Variants in SLX4 observed in about 807,000 individuals in gnomAD.
SLX4 encodes the protein structure-specific endonuclease subunit SLX4.
In SLX4, 112 loss-of-function variants were observed where a neutral mutation model predicts 146.2. The ratio of observed to expected loss-of-function variants is 0.77; its 90% confidence interval spans 0.66 to 0.90. The LOEUF (loss-of-function observed/expected upper bound fraction) is 0.90, where lower values mean the gene tolerates loss of function less well. SLX4 is among the 40% of genes least tolerant of loss of function. The pLI is 0.00. For synonymous variants in SLX4, 1,061 were observed against 997.7 expected (o/e 1.06, Z -1.20); for missense variants, 2,563 against 2,392.7 (o/e 1.07, Z -1.49).
intron 11 of SLX4, among the ~76,000 whole-genome samples, chr16:3,592,424 T>C (rs2040603665): frequency 6.6e-6 from 1 of 152,226 alleles, no homozygotes; most frequent in African/African-American, 2.4e-5. Context: ...GGCCATTCTC[T>C]TATCACACCT....
In SLX4 at chr16:3,582,618, C is replaced by T. The variant is rs140231739; in HGVS notation, c.5229G>A (p.Ser1743=). ...EEEGEGEVSA[S]QAAVQAADTD... ...TGTCCGCCGCCTGCACGGCTGCCTG[C>T]GAGGCACTGACCTCCCCCTCGCCCT... is the stretch of plus-strand genomic sequence containing the variant. Residue 1743 remains serine, a synonymous_variant, in exon 15 of 15, where the codon TCG becomes TCA. Transcript: ENST00000294008. 2.9e-5 allele frequency: 46 copies of T among 1,613,444 alleles called. No individual in the cohort carries two copies. In the East Asian group the frequency reaches 6.9e-4, roughly 24 times the overall value.
In SLX4 at chr16:3,608,608, C is replaced by T. The variant is rs775598631; in HGVS notation, c.357G>A (p.Arg119=). Residue 119 remains arginine, a synonymous_variant, in exon 2 of 15, where the codon AGG becomes AGA. Transcript: ENST00000294008. ...KKPPSGSQAP[R]TKKQRVTKWQ... is the part of the protein sequence containing the mutation. ...ATTTGGTTACCCTTTGCTTTTTAGTCCTAGGGGCCTGGCTGCCAGACGGAG... is the reference window on the plus strand; with the variant it reads ...ATTTGGTTACCCTTTGCTTTTTAGTTCTAGGGGCCTGGCTGCCAGACGGAG... The T allele has an allele frequency of 1.9e-6, 3 of 1,613,970 alleles. No homozygotes were observed. The highest frequency in any genetic ancestry group is 1.3e-5 in the African/African-American group (1 of 74,874).
chr16:3,598,455 A>G (rs1334797377), intron 5 of SLX4, among the ~76,000 whole-genome samples: 4 of 152,184 alleles, frequency 2.6e-5, no homozygotes, highest in East Asian at 1.9e-4. Context: ...GCCTCTGTCC[A>G]TGGCCAGAAG....
chr16:3,589,066 G>C lies in SLX4; in HGVS notation c.4572C>G (p.Thr1524=). 6.2e-7 allele frequency: 1 copy of C among 1,614,156 alleles called. No individual in the cohort carries two copies. Among genetic ancestry groups the C allele is most frequent in the Non-Finnish European group, 8.5e-7 (1 of 1,180,044 alleles). ...CGCTTGGCATCTGGGCCGGAGGAGG[G>C]GTCTCTGGAGGCCTCTGCTCTTCCC... ...WDGEEQRPPE[T]PPPAQMPSAG... is the part of the protein sequence containing the mutation. Residue 1524 remains threonine (T), a synonymous_variant, in exon 12 of 15, where the codon ACC becomes ACG. Coordinates refer to ENST00000294008, the MANE Select transcript of SLX4 (RefSeq NM_032444.4). This position sits in a 1 kb window ranked among gnomAD's most constrained non-coding sequence, Gnocchi z 6.2.
rs200859735 is a variant in SLX4 at position 3,596,181 on chromosome 16, C to G, written c.1896G>C (p.Gly632=). The part of the protein sequence containing the change: ...GLSASPWPGS[G]GLAGSEGTAG... ...CAGTCCCTTCCGAGCCAGCCAGGCC[C>G]CCACTGCCGGGCCACGGGCTGGCGC... The change falls in exon 8 of 15, where the codon GGG becomes GGC. Residue 632 remains glycine, a synonymous_variant. Coordinates refer to ENST00000294008, the MANE Select transcript of SLX4 (RefSeq NM_032444.4). The G allele has an allele frequency of 2.6e-5, 41 of 1,551,796 alleles. No homozygotes were observed. In the East Asian group the frequency reaches 3.9e-4, roughly 15 times the overall value.
chr16:3,600,947 T>G lies in SLX4; in HGVS notation c.1163+32A>C, dbSNP rs1256774015. On this transcript the variant is annotated intron_variant, in intron 5 of 14. Coordinates refer to ENST00000294008, the MANE Select transcript of SLX4 (RefSeq NM_032444.4). ...AGCCCTGAGTGCACACAGCATTATT[T>G]GGCTTGGTTTTCTTCCTTTTCGTCG... is the stretch of plus-strand genomic sequence containing the variant. The G allele has an allele frequency of 2.5e-6, 4 of 1,610,436 alleles. No homozygotes were observed. In the South Asian group the frequency reaches 4.4e-5, roughly 18 times the overall value.
chr16:3,582,472 A>C lies in SLX4; in HGVS notation c.5375T>G (p.Val1792Gly). ...GAAGTCCAACAGCCTGCGCGAGGAC[A>C]CACGGAGGCCGTTCTGCCTCAGCTC... ...QAELRQNGLRVSSRRLLDFLD... is the reference protein window; with the variant it reads ...QAELRQNGLRGSSRRLLDFLD... The change falls in exon 15 of 15, where the codon GTG becomes GGG. Residue 1792 changes from valine (V) to glycine (G), a missense_variant. Coordinates refer to ENST00000294008, the MANE Select transcript of SLX4 (RefSeq NM_032444.4). 6.2e-7 allele frequency: 1 copy of C among 1,614,044 alleles called. No homozygotes were observed. The highest frequency in any genetic ancestry group is 8.5e-7 in the Non-Finnish European group (1 of 1,180,038).
chr16:3,598,337 C>G (rs963021733), intron 5 of SLX4, among the ~76,000 whole-genome samples: 3 of 152,228 alleles, frequency 2.0e-5, no homozygotes, highest in East Asian at 3.8e-4. Flanking sequence ...AGCAGGCTCC[C>G]TGGACTCCCA....
intron 12 of SLX4, among the ~76,000 whole-genome samples, chr16:3,587,461 A>C (rs1295658833): frequency 1.3e-5 from 2 of 152,060 alleles, no homozygotes; most frequent in Non-Finnish European, 2.9e-5. Context: ...GCCCCACTGC[A>C]CTCCAGCCTG....
chr16:3,582,456 C>A lies in SLX4; in HGVS notation c.5391G>T (p.Leu1797=). Residue 1797 remains leucine (L), a synonymous_variant, in exon 15 of 15, where the codon CTG becomes CTT. Transcript: ENST00000294008. Reference sequence around the variant, plus strand: ...TACAGTGGGTGTCCAGGAAGTCCAACAGCCTGCGCGAGGACACACGGAGGC... The same window carrying A: ...TACAGTGGGTGTCCAGGAAGTCCAAAAGCCTGCGCGAGGACACACGGAGGC... ...QNGLRVSSRR[L]LDFLDTHCIT... The A allele has an allele frequency of 6.2e-7, 1 of 1,614,014 alleles. No homozygotes were observed. The highest frequency in any genetic ancestry group is 8.5e-7 in the Non-Finnish European group (1 of 1,180,038).
At position 3,606,456 on chromosome 16, in the gene SLX4, G is replaced by A. The variant is rs779674016; in HGVS notation, c.760+18C>T. On this transcript the variant is annotated intron_variant, in intron 3 of 14. Coordinates refer to ENST00000294008, the MANE Select transcript of SLX4 (RefSeq NM_032444.4). ...TTAACTTATCTCTGTGTGGAAGACAGAAACACACTCATCATACCATTCCCC... is the reference window on the plus strand; with the variant it reads ...TTAACTTATCTCTGTGTGGAAGACAAAAACACACTCATCATACCATTCCCC... 3.7e-6 allele frequency: 6 copies of A among 1,612,742 alleles called. No individual in the cohort carries two copies. The African/African-American group carries it at 8.0e-5, about 22-fold the overall frequency.
rs780684483 is a variant in SLX4, at chr16:3,608,572, A to T, written c.393T>A (p.Ser131Arg). The change falls in exon 2 of 15, where the codon AGT becomes AGA. Residue 131 changes from serine (S) to arginine (R), a missense_variant. By Grantham distance (110) the Ser-to-Arg change is moderately radical (BLOSUM62 -1). Transcript: ENST00000294008. ...CCCCATTCACAGAGTGGGCCGGTTCACTTGCTTGCCATTTGGTTACCCTTT... is the reference window on the plus strand; with the variant it reads ...CCCCATTCACAGAGTGGGCCGGTTCTCTTGCTTGCCATTTGGTTACCCTTT... ...KKQRVTKWQA[S>R]EPAHSVNGEG... 6.2e-7 allele frequency: 1 copy of T among 1,614,132 alleles called. No homozygotes were observed. The highest frequency in any genetic ancestry group is 8.5e-7 in the Non-Finnish European group (1 of 1,180,020).
rs1263286354 is a variant in SLX4, at chr16:3,589,157, C to CAATTG, written c.4480_4481insCAATT (p.Gly1494AlafsTer15). The CAATTG allele has an allele frequency of 8.7e-6, 14 of 1,614,096 alleles. No individual in the cohort carries two copies. Among genetic ancestry groups the CAATTG allele is most frequent in the Non-Finnish European group, 1.1e-5 (13 of 1,179,984 alleles). On this transcript the variant is annotated frameshift_variant, in exon 12 of 15. Coordinates refer to ENST00000294008, the MANE Select transcript of SLX4 (RefSeq NM_032444.4). LOFTEE classifies it high-confidence loss of function. The surrounding 1 kb of genome is among the most constrained non-coding windows in gnomAD (Gnocchi z 6.2). ...CCTGCTATTCCCCAGGGAGCCCGCG[C>CAATTG]CCGAGGACTTCTCTTGCAATTTCCT...
chr16:3,604,819 CAA>C (rs35214951), intron 3 of SLX4, among the ~76,000 whole-genome samples: 8 of 105,994 alleles, frequency 7.5e-5, no homozygotes, highest in Admixed American at 2.0e-4. Context: ...GACTCCATCT[CAA>C]AAAAAAAAAA....
Position 3,609,010 on chromosome 16 carries a change from C to A in SLX4, c.-46G>T. Reference sequence around the variant, plus strand: ...CCATTAGATACTTGGAGAGTTTGCACAATTGAACAAAAAGTACTGTTTTCC... The same window carrying A: ...CCATTAGATACTTGGAGAGTTTGCAAAATTGAACAAAAAGTACTGTTTTCC... On this transcript the variant is annotated 5_prime_UTR_variant, in exon 2 of 15. Coordinates refer to ENST00000294008, the MANE Select transcript of SLX4 (RefSeq NM_032444.4). 3 of 1,593,288 alleles carry A rather than the reference C, an allele frequency of 1.9e-6. No individual in the cohort carries two copies. The South Asian group carries it at 3.3e-5, about 18-fold the overall frequency.
In SLX4 at chr16:3,606,520, T is replaced by C. The variant is rs2040784118; in HGVS notation, c.714A>G (p.Glu238=). The C allele has an allele frequency of 6.2e-7, 1 of 1,614,222 alleles. No individual in the cohort carries two copies. Among genetic ancestry groups the C allele is most frequent in the Non-Finnish European group, 8.5e-7 (1 of 1,180,040 alleles). Residue 238 remains glutamate (E), a synonymous_variant, in exon 3 of 15, where the codon GAA becomes GAG. Coordinates refer to ENST00000294008, the MANE Select transcript of SLX4 (RefSeq NM_032444.4). ...CTTGAGGATCCTTTGGGACATTTTC[T>C]TCCCGCGCAGCCTCGAGGGAGCACT... is the stretch of plus-strand genomic sequence containing the variant. ...SEECSLEAAR[E]ENVPKDPQEE... is the part of the protein sequence containing the mutation.
In SLX4 at chr16:3,596,170, C is replaced by T. The variant is rs2151129829; in HGVS notation, c.1907G>A (p.Gly636Asp). Residue 636 changes from glycine to aspartate, a missense_variant, in exon 8 of 15, where the codon GGC becomes GAC. Coordinates refer to ENST00000294008, the MANE Select transcript of SLX4 (RefSeq NM_032444.4). ...SPWPGSGGLA[G>D]SEGTAGLDVV... ...CATCTCACCTGCAGTCCCTTCCGAGCCAGCCAGGCCCCCACTGCCGGGCCA... is the reference window on the plus strand; with the variant it reads ...CATCTCACCTGCAGTCCCTTCCGAGTCAGCCAGGCCCCCACTGCCGGGCCA... The T allele has an allele frequency of 6.4e-7, 1 of 1,551,526 alleles. No individual in the cohort carries two copies. Among genetic ancestry groups the T allele is most frequent in the Non-Finnish European group, 8.7e-7 (1 of 1,150,222 alleles).
chr16:3,603,432 T>C (rs1268497775), intron 3 of SLX4, among the ~76,000 whole-genome samples: 1 of 152,222 alleles, frequency 6.6e-6, no homozygotes, highest in Non-Finnish European at 1.5e-5. Flanking sequence ...CTGAGTCAAA[T>C]GCTGGGCAGG....
At chr16:3,585,650 G>A (rs1331021413) in intron 12 of SLX4, among the ~76,000 whole-genome samples, 1 of 150,988 alleles carries the variant, frequency 6.6e-6, no homozygotes, top group Admixed American at 6.6e-5. Context: ...ATCTACAAAT[G>A]GCCAATAAGC....
Sources: gnomAD v4.1 joint callset for allele counts (sites outside exome capture counted in the v4.1 genomes callset) on GRCh38, gnomAD v4.1.1 for gene constraint, Gnocchi (gnomAD v3.1) non-coding constraint, MANE v1.5 for transcripts, NCBI Gene and HGNC (gene_info 2026-07-23, HGNC 2026-07-21) for gene names.